PON1: variants seen among roughly 807,000 people sequenced by gnomAD.
PON1 encodes paraoxonase 1.
Under a neutral mutation model 39.2 loss-of-function variants are expected in PON1, and 37 were observed. The ratio of observed to expected loss-of-function variants is 0.94; its 90% CI spans 0.73 to 1.24. The LOEUF (loss-of-function observed/expected upper bound fraction) is 1.24, where lower values mean the gene tolerates loss of function less well. Ranked by LOEUF, PON1 falls within the 50% of genes most tolerant of loss-of-function variation. PON1 has a pLI of 0.00. For missense variants in PON1, 397 were observed against 413.5 expected (o/e 0.96, Z 0.35); for synonymous variants, 148 against 152.2 (o/e 0.97, Z 0.21).
intron 5 of PON1, among the ~76,000 whole-genome samples, chr7:95,309,388 ACTCT>A (rs1360610249): frequency 6.6e-6 from 1 of 151,284 alleles, no homozygotes; most frequent in African/African-American, 2.4e-5. Flanking sequence ...ATCTGATTTT[ACTCT>A]CTCTTTTTTA....
In PON1 at chr7:95,308,104, C is replaced by A; in HGVS notation, c.605G>T (p.Trp202Leu). The change falls in exon 6 of 9, where the codon TGG (tryptophan) becomes TTG (leucine). Residue 202 changes from tryptophan to leucine, a missense_variant. Coordinates refer to ENST00000222381, the MANE Select transcript of PON1 (RefSeq NM_000446.7). ...QSWEMYLGLA[W>L]SYVVYYSPSE... ...TGGACTATAGTAGACAACATACGAC[C>A]ACGCTAAACCCAAATACATCTCCCA... is the stretch of plus-strand genomic sequence containing the variant. 1.2e-6 allele frequency: 2 copies of A among 1,614,048 alleles called. No individual in the cohort carries two copies.
chr7:95,299,255 C>T lies in PON1; in HGVS notation c.910-153G>A, dbSNP rs552607104. ...AAAATTACACTTAACACACCTGTTT[C>T]TTCATTTGGGAACAGGTGGGTACTG... On this transcript the variant is annotated intron_variant, in intron 8 of 8. Coordinates refer to ENST00000222381, the MANE Select transcript of PON1 (RefSeq NM_000446.7). 5.9e-5 allele frequency among the ~76,000 whole-genome samples: 9 copies of T among 152,272 alleles called. No individual in the cohort carries two copies. In the East Asian group the frequency reaches 1.7e-3, roughly 29 times the overall value.
intron 1 of PON1, among the ~76,000 whole-genome samples, chr7:95,319,099 C>T (rs1010407346): frequency 4.7e-5 from 7 of 148,654 alleles, no homozygotes; most frequent in African/African-American, 9.9e-5. Flanking sequence ...AAACAGACGA[C>T]GTTAGCACAA....
At chr7:95,306,166 G>A (rs1807536287) in intron 7 of PON1, 119 bp downstream of exon 7, 2 of 827,860 alleles carry the variant, frequency 2.4e-6, no homozygotes, top group Non-Finnish European at 4.2e-6. Context: ...TAATAAAGGA[G>A]TGAAAAATTG....
Position 95,302,512 on chromosome 7 carries a change from C to T in PON1, c.781-179G>A, listed in dbSNP as rs981340007. On this transcript the variant is annotated intron_variant, in intron 7 of 8. Transcript: ENST00000222381. Reference sequence around the variant, plus strand: ...AAATTTCTCTGACCTTTCATCTATGCTAGTATTTTGTCAGTTTCCAGGGCA... The same window carrying T: ...AAATTTCTCTGACCTTTCATCTATGTTAGTATTTTGTCAGTTTCCAGGGCA... The T allele has an allele frequency of 8.3e-6, 5 of 601,106 alleles. No homozygotes were observed. In the Admixed American group the frequency reaches 1.4e-4, roughly 17 times the overall value. 37.2% of individuals were successfully genotyped at this position (601,106 alleles called of 1,614,324 possible).
intron 6 of PON1, 56 bp from the exon 7 acceptor site, chr7:95,306,422 T>G: frequency 8.0e-7 from 1 of 1,256,514 alleles, no homozygotes; most frequent in Non-Finnish European, 1.2e-6. Context: ...CTTGAGAGAT[T>G]AAGATGAAGT....
At chr7:95,318,907 A>C (rs1341606125) in intron 1 of PON1, among the ~76,000 whole-genome samples, 1 of 152,168 alleles carries the variant, frequency 6.6e-6, no homozygotes, top group Non-Finnish European at 1.5e-5. Flanking sequence ...CTGCATGTAA[A>C]AAGGCATTTC....
intron 1 of PON1, among the ~76,000 whole-genome samples, chr7:95,319,131 CTTT>C: frequency 7.2e-6 from 1 of 138,358 alleles, no homozygotes; most frequent in African/African-American, 2.7e-5. Flanking sequence ...AAACAATAAA[CTTT>C]TTTTTTTTTT....
At chr7:95,313,618 A>ATGTGTGTGTGTGTGTGTGTGTGTG (rs3046663) in intron 4 of PON1, among the ~76,000 whole-genome samples, 1 of 147,184 alleles carries the variant, frequency 6.8e-6, no homozygotes, top group African/African-American at 2.5e-5. Flanking sequence ...ATATATGTAT[A>ATGTGTGTGTGTGTGTGTGTGTGTG]TGTGTGTGTG....
intron 1 of PON1, among the ~76,000 whole-genome samples, chr7:95,320,341 C>A (rs1008766705): frequency 2.6e-5 from 4 of 152,144 alleles, no homozygotes; most frequent in African/African-American, 7.2e-5. Flanking sequence ...TGATCTCTAG[C>A]CTGGAAAACA....
intron 7 of PON1, among the ~76,000 whole-genome samples, chr7:95,302,723 C>T (rs1349423238): frequency 6.6e-6 from 1 of 151,970 alleles, no homozygotes; most frequent in Non-Finnish European, 1.5e-5. Context: ...CAGAAAACAA[C>T]CAGGAAATGT....
At position 95,315,338 on chromosome 7, in the gene PON1, G is replaced by A. The variant is rs1807742515; in HGVS notation, c.354C>T (p.Ser118=). ...TATTGTTACCTTCATCTGTGAATGT[G>A]CTAATCCCATGAGGGTTAAATGAAG... ...DVSSFNPHGI[S]TFTDEDNAMY... The change falls in exon 4 of 9, where the codon AGC becomes AGT. Residue 118 remains serine, a synonymous_variant. Coordinates refer to ENST00000222381, the MANE Select transcript of PON1 (RefSeq NM_000446.7). 3 of 1,612,970 alleles carry A rather than the reference G, an allele frequency of 1.9e-6. No individual in the cohort carries two copies. Among genetic ancestry groups the A allele is most frequent in the Admixed American group, 1.7e-5 (1 of 59,998 alleles).
rs1807577937 is a variant in PON1, at chr7:95,308,087, A to G, written c.622T>C (p.Tyr208His). 1 of 1,614,196 alleles carries G rather than the reference A, an allele frequency of 6.2e-7. No individual in the cohort carries two copies. The highest frequency in any genetic ancestry group is 2.2e-5 in the East Asian group (1 of 44,874). The change falls in exon 6 of 9, where the codon TAT becomes CAT. Residue 208 changes from tyrosine to histidine, a missense_variant. By Grantham distance (83) the Tyr-to-His change is moderately conservative. Transcript: ENST00000222381. The stretch of plus-strand genomic sequence containing the variant: ...ACCACTCGAACTTCACTTGGACTAT[A>G]GTAGACAACATACGACCACGCTAAA... ...LGLAWSYVVY[Y>H]SPSEVRVVAE...
chr7:95,301,288 T>A (rs1251749957), intron 8 of PON1, among the ~76,000 whole-genome samples: 1 of 152,088 alleles, frequency 6.6e-6, no homozygotes, highest in African/African-American at 2.4e-5. Flanking sequence ...GAAGATGAGA[T>A]CTTCTAAGCC....
chr7:95,302,114 AAAAAAAAC>A lies in PON1; in HGVS notation c.909+83_909+90del, dbSNP rs879151971. On this transcript the variant is annotated intron_variant, in intron 8 of 8. Coordinates refer to ENST00000222381, the MANE Select transcript of PON1 (RefSeq NM_000446.7). ...TCTGTCACAAAAAAAAAAAAAAAAA[AAAAAAAAC>A]CAAGAATTGAGAATTATGTTGTCAA... 7,003 of 761,856 alleles carry A rather than the reference AAAAAAAAC, an allele frequency of 9.2e-3. 53 individuals carry two copies. Among genetic ancestry groups the A allele is most frequent in the Admixed American group, 0.028 (700 of 24,836 alleles). 47.2% of individuals were successfully genotyped at this position (761,856 alleles called of 1,614,324 possible).
chr7:95,299,028 C>G lies in PON1; in HGVS notation c.984G>C (p.Leu328Phe). The part of the protein sequence containing the change: ...TQVYAENGTV[L>F]QGSTVASVYK... Reference sequence around the variant, plus strand: ...ACACAGAGGCAACTGTACTGCCTTGCAACACTGTGCCATTTTCTGCATAAA... The same window carrying G: ...ACACAGAGGCAACTGTACTGCCTTGGAACACTGTGCCATTTTCTGCATAAA... The change falls in exon 9 of 9, where the codon TTG (leucine) becomes TTC (phenylalanine). Residue 328 changes from leucine (L) to phenylalanine (F), a missense_variant. Physicochemically the swap from Leu to Phe is conservative, Grantham distance 22 (BLOSUM62 0). Transcript: ENST00000222381. 1 of 1,614,092 alleles carries G rather than the reference C, an allele frequency of 6.2e-7. No individual in the cohort carries two copies. Among genetic ancestry groups the G allele is most frequent in the Non-Finnish European group, 8.5e-7 (1 of 1,179,960 alleles).
rs77046033 is a variant in PON1 at position 95,322,694 on chromosome 7, G to T, written c.74+1708C>A. Reference sequence around the variant, plus strand: ...CATTCCATAGCCCAAGTTGGGGTAGGGGAGGGGAGCTGTTTCTACCATCAT... The same window carrying T: ...CATTCCATAGCCCAAGTTGGGGTAGTGGAGGGGAGCTGTTTCTACCATCAT... On this transcript the variant is annotated intron_variant, in intron 1 of 8. Coordinates refer to ENST00000222381, the MANE Select transcript of PON1 (RefSeq NM_000446.7). Among the ~76,000 whole-genome samples the T allele has an allele frequency of 2.7e-3, 410 of 152,308 alleles. 1 individual carries two copies. Among genetic ancestry groups the T allele is most frequent in the African/African-American group, 9.3e-3 (385 of 41,566 alleles).
intron 3 of PON1, among the ~76,000 whole-genome samples, chr7:95,315,698 C>T (rs897083448): frequency 6.6e-6 from 1 of 152,162 alleles, no homozygotes; most frequent in East Asian, 1.9e-4. Context: ...CCACCCCACA[C>T]AAACCCTTTC....
intron 2 of PON1, among the ~76,000 whole-genome samples, chr7:95,317,030 T>C (rs894207717): frequency 5.9e-5 from 9 of 152,260 alleles, no homozygotes; most frequent in African/African-American, 2.2e-4. Flanking sequence ...TTTAAATTGA[T>C]GGACTAGAGC....
Sources: gnomAD v4.1 joint callset for allele counts (sites outside exome capture counted in the v4.1 genomes callset) on GRCh38, gnomAD v4.1.1 for gene constraint, MANE v1.5 for transcripts, NCBI Gene and HGNC (gene_info 2026-07-23, HGNC 2026-07-21) for gene names.